The following TACC2 variants were observed in gnomAD, a reference collection of about 807,000 sequenced individuals.
TACC2 encodes the protein transforming acidic coiled-coil containing protein 2, also known as transforming acidic coiled-coil-containing protein 2.
A neutral mutation model predicts 227.3 loss-of-function variants in TACC2; 137 were observed. The observed-to-expected ratio is 0.60, with a 90% confidence interval of 0.52 to 0.69. The LOEUF is 0.69. TACC2 is among the 30% of genes least tolerant of loss of function. The probability of loss-of-function intolerance (pLI) is 0.00; values close to 1 mark genes in which losing one functional copy is unlikely to be tolerated. For synonymous variants in TACC2, 1,523 were observed against 1,487.5 expected (o/e 1.02, Z -0.55); for missense variants, 3,470 against 3,694.4 (o/e 0.94, Z 1.57).
intron 5 of TACC2, chr10:122,088,834 A>C (rs537169676): frequency 7.4e-7 from 1 of 1,344,916 alleles, no homozygotes; most frequent in Non-Finnish European, 1.0e-6. Flanking sequence ...AAATTTAAAA[A>C]GTCAGTCTGG....
At chr10:122,178,223 G>GT (rs971737241) in intron 7 of TACC2, among the ~76,000 whole-genome samples, 8 of 147,686 alleles carry the variant, frequency 5.4e-5, no homozygotes, top group Admixed American at 4.0e-4. Flanking sequence ...TTTTATAAGG[G>GT]TTTTTTTCTT....
At chr10:122,191,633 G>A (rs1341440687) in intron 7 of TACC2, among the ~76,000 whole-genome samples, 1 of 152,190 alleles carries the variant, frequency 6.6e-6, no homozygotes, top group Non-Finnish European at 1.5e-5. Context: ...GGTTGGACAA[G>A]GTTGGTTTAC....
At chr10:122,088,045 G>T in intron 4 of TACC2, 86 bp downstream of exon 4, 1 of 1,381,564 alleles carries the variant, frequency 7.2e-7, no homozygotes, top group East Asian at 2.5e-5. Flanking sequence ...CAGTCGCATA[G>T]GTGAGTGGTT....
chr10:122,095,826 C>T lies in TACC2; in HGVS notation c.5573+7235C>T, dbSNP rs75084832. Among the ~76,000 whole-genome samples the T allele has an allele frequency of 8.2e-3, 1,250 of 152,304 alleles. 10 individuals carry two copies. Among genetic ancestry groups the T allele is most frequent in the Non-Finnish European group, 0.01 (693 of 68,026 alleles). ...GTCGCTGCTGGCCACAGGCTGCTAG[C>T]GAGCACTTGAAATGAGGCTGGTGCC... On this transcript the variant is annotated intron_variant, in intron 5 of 22. Coordinates refer to ENST00000369005, the MANE Select transcript of TACC2 (RefSeq NM_206862.4).
At chr10:122,249,204 C>A in intron 21 of TACC2, 48 bp downstream of exon 21, 1 of 1,445,996 alleles carries the variant, frequency 6.9e-7, no homozygotes, top group Non-Finnish European at 9.6e-7. Flanking sequence ...CCCAGCAGCC[C>A]TTTTACCCAG....
chr10:122,250,726 C>G (rs914321565), intron 22 of TACC2, among the ~76,000 whole-genome samples: 2 of 152,036 alleles, frequency 1.3e-5, no homozygotes, highest in Non-Finnish European at 1.5e-5. Flanking sequence ...CCTGGGCAAG[C>G]CTCGCACCCC....
At chr10:122,027,316 A>G (rs978699436) in intron 2 of TACC2, among the ~76,000 whole-genome samples, 1 of 152,076 alleles carries the variant, frequency 6.6e-6, no homozygotes, top group Non-Finnish European at 1.5e-5. Context: ...TTGTTTTCTT[A>G]TTATTGAGTT....
chr10:122,115,574 T>C (rs1165818057), intron 5 of TACC2, among the ~76,000 whole-genome samples: 1 of 152,120 alleles, frequency 6.6e-6, no homozygotes, highest in Non-Finnish European at 1.5e-5. Context: ...GCCAATAGCA[T>C]CTCAATAGAG....
At chr10:122,212,238 A>T (rs796399549) in intron 9 of TACC2, among the ~76,000 whole-genome samples, 1 of 152,244 alleles carries the variant, frequency 6.6e-6, no homozygotes, top group Admixed American at 6.5e-5. Context: ...CTGCACTCCA[A>T]CCAGCCCGTA....
chr10:122,069,083 C>A (rs1220537671), intron 3 of TACC2, among the ~76,000 whole-genome samples: 1 of 152,082 alleles, frequency 6.6e-6, no homozygotes, highest in Non-Finnish European at 1.5e-5. Flanking sequence ...GTATTCTACT[C>A]TGGGAACTGC....
intron 1 of TACC2, among the ~76,000 whole-genome samples, chr10:122,010,596 A>T (rs941067710): frequency 6.6e-6 from 1 of 152,152 alleles, no homozygotes; most frequent in Non-Finnish European, 1.5e-5. Context: ...CCAAGACAAC[A>T]CTGGTGGCTG....
chr10:122,022,906 A>G (rs1184586115), intron 2 of TACC2: 1 of 152,226 alleles, frequency 6.6e-6, no homozygotes, highest in Non-Finnish European at 1.5e-5. Flanking sequence ...TGCGTTGGTG[A>G]ACAAAATCAG....
At chr10:122,100,960 CGTT>C (rs1327700103) in intron 5 of TACC2, among the ~76,000 whole-genome samples, 2 of 152,134 alleles carry the variant, frequency 1.3e-5, no homozygotes, top group Non-Finnish European at 2.9e-5. Context: ...CTCAGACAAA[CGTT>C]GTTCTGTGAA....
chr10:122,140,241 A>C (rs2090331955), intron 6 of TACC2, among the ~76,000 whole-genome samples: 1 of 152,186 alleles, frequency 6.6e-6, no homozygotes, highest in African/African-American at 2.4e-5. Flanking sequence ...ATGGATTCTG[A>C]GGTCTTGTCT....
At chr10:122,120,641 A>G (rs1050200784) in intron 5 of TACC2, among the ~76,000 whole-genome samples, 8 of 152,202 alleles carry the variant, frequency 5.3e-5, no homozygotes, top group African/African-American at 1.2e-4. Context: ...CCTTGGGGAG[A>G]GGGACTTTCT....
intron 7 of TACC2, among the ~76,000 whole-genome samples, chr10:122,145,446 G>C (rs1296096254): frequency 6.6e-6 from 1 of 152,184 alleles, no homozygotes; most frequent in East Asian, 1.9e-4. Flanking sequence ...ATTCAGTCTA[G>C]ATGAGATTCT....
At chr10:122,018,868 C>T (rs1313650545) in intron 1 of TACC2, among the ~76,000 whole-genome samples, 1 of 152,228 alleles carries the variant, frequency 6.6e-6, no homozygotes, top group Non-Finnish European at 1.5e-5. Context: ...TCCTCCACCA[C>T]CTCCAAGGAG....
At chr10:122,006,859 ATTTTT>A (rs34965370) in intron 1 of TACC2, among the ~76,000 whole-genome samples, 4 of 107,034 alleles carry the variant, frequency 3.7e-5, no homozygotes, top group African/African-American at 1.4e-4. Flanking sequence ...TGCTTTCCTG[ATTTTT>A]TTTTTTTTTT....
chr10:122,014,616 A>G (rs1204865557), intron 1 of TACC2, among the ~76,000 whole-genome samples: 1 of 152,192 alleles, frequency 6.6e-6, no homozygotes, highest in Non-Finnish European at 1.5e-5. Context: ...TCACAGTCCT[A>G]GCAATGTCTT....
Sources: allele counts gnomAD v4.1 joint callset (sites outside exome capture counted in the v4.1 genomes callset), GRCh38; gene constraint gnomAD v4.1.1; transcripts MANE v1.5; gene names NCBI Gene and HGNC (gene_info 2026-07-23, HGNC 2026-07-21).